GID4: variants seen among roughly 807,000 people sequenced by gnomAD.
GID4 encodes the protein GID complex subunit 4 homolog, also known as glucose-induced degradation protein 4 homolog.
In GID4, 7 loss-of-function variants were observed where a neutral mutation model predicts 32.4. The ratio of observed to expected loss-of-function variants is 0.22; its 90% CI spans 0.12 to 0.41. The LOEUF is 0.41. Ranked by LOEUF, GID4 falls within the 10% of genes least tolerant of loss-of-function variation. The pLI, the probability that GID4 is intolerant of heterozygous loss-of-function variation, is 1.00. For missense variants in GID4, 309 were observed against 400.0 expected (o/e 0.77, Z 1.94); for synonymous variants, 166 against 170.0 (o/e 0.98, Z 0.18).
rs918821533 is a variant in GID4 at position 18,068,011 on chromosome 17, G to A, written c.*2768G>A. 2.0e-5 allele frequency: 3 copies of A among 152,510 alleles called. No homozygotes were observed. The highest frequency in any genetic ancestry group is 7.2e-5 in the African/African-American group (3 of 41,400). 9.4% of individuals were successfully genotyped at this position (152,510 alleles called of 1,614,324 possible). A position where few individuals can be genotyped will look rare whatever the true frequency, so the allele number is the denominator to read the frequency against. On this transcript the variant is annotated 3_prime_UTR_variant, in exon 6 of 6. Coordinates refer to ENST00000268719, the MANE Select transcript of GID4 (RefSeq NM_024052.5). ...AGTCAATCTGTGTGCTGGTTTTGTT[G>A]GTTATGTGGAAATCACAAACTCCAG...
intron 3 of GID4, 34 bp from the exon 4 acceptor site, chr17:18,058,834 C>T: frequency 7.6e-7 from 1 of 1,317,636 alleles, no homozygotes; most frequent in Non-Finnish European, 1.1e-6. Context: ...CTCCTTCTCT[C>T]AGTCAATCGG....
In GID4 at chr17:18,039,543, T is replaced by G. The variant is rs2044761415; in HGVS notation, c.79T>G (p.Trp27Gly). The change falls in exon 1 of 6, where the codon TGG (tryptophan) becomes GGG (glycine). Residue 27 changes from tryptophan to glycine, a missense_variant. Transcript: ENST00000268719. This position sits in a 1 kb window ranked among gnomAD's most constrained non-coding sequence, Gnocchi z 5.3. ...RPCSQVPGSR[W>G]RPERLLRRQR... The stretch of plus-strand genomic sequence containing the variant: ...CTGCTCGCAGGTCCCTGGGTCCCGG[T>G]GGCGGCCGGAGCGCTTGCTCCGCAG... The G allele has an allele frequency of 1.5e-6, 2 of 1,307,710 alleles. No homozygotes were observed. The highest frequency in any genetic ancestry group is 3.1e-5 in the African/African-American group (2 of 64,636). The allele number at this position is 1,307,710 out of a possible 1,614,324, so 81.0% of individuals were successfully genotyped here.
chr17:18,058,065 C>A (rs1471451402), intron 3 of GID4, among the ~76,000 whole-genome samples: 2 of 152,178 alleles, frequency 1.3e-5, no homozygotes, highest in Non-Finnish European at 2.9e-5. Flanking sequence ...GATCTCCTGA[C>A]CTTGTGATCT....
Position 18,065,413 on chromosome 17 carries a change from C to T in GID4, c.*170C>T. 2 of 633,206 alleles carry T rather than the reference C, an allele frequency of 3.2e-6. No homozygotes were observed. Among genetic ancestry groups the T allele is most frequent in the Non-Finnish European group, 5.7e-6 (2 of 352,756 alleles). The allele number at this position is 633,206 out of a possible 1,614,324, so 39.2% of individuals were successfully genotyped here. On this transcript the variant is annotated 3_prime_UTR_variant, in exon 6 of 6. Transcript: ENST00000268719. ...CACAGAATCCAAGGAGCATGGCTGG[C>T]CCGTGGGGCAGGTGGAGGGAGCAGT...
chr17:18,050,716 G>A (rs934676419), intron 2 of GID4, among the ~76,000 whole-genome samples: 2 of 152,244 alleles, frequency 1.3e-5, no homozygotes, highest in Admixed American at 6.5e-5. Context: ...GGTCTACATG[G>A]AAAGTCGTGG....
At chr17:18,042,731 G>A (rs72838956) in intron 1 of GID4, among the ~76,000 whole-genome samples, 1 of 152,126 alleles carries the variant, frequency 6.6e-6, no homozygotes, top group East Asian at 1.9e-4. Flanking sequence ...TGAGAAACTG[G>A]CCCTGCATTG....
Position 18,039,779 on chromosome 17 carries a change from C to T in GID4, c.315C>T (p.Ile105=), listed in dbSNP as rs777389039. The stretch of plus-strand genomic sequence containing the variant: ...CCGCTGCCTCCGCGGCCTCACTCAT[C>T]CCGCCGCCGCCCATCAACACCCAGC... ...GASAASAASL[I]PPPPINTQQP... The change falls in exon 1 of 6, where the codon ATC becomes ATT. Residue 105 remains isoleucine (I), a synonymous_variant. Transcript: ENST00000268719. This position sits in a 1 kb window ranked among gnomAD's most constrained non-coding sequence, Gnocchi z 5.3. The T allele has an allele frequency of 1.3e-6, 2 of 1,574,620 alleles. No homozygotes were observed. Among genetic ancestry groups the T allele is most frequent in the South Asian group, 2.3e-5 (2 of 86,948 alleles).
chr17:18,047,691 C>CTGG lies in GID4; in HGVS notation c.498+2487_498+2489dup, dbSNP rs1405984312. ...ATACCCTCCCCAGAGTTGCCTGTTC[C>CTGG]TGGTCCAGCAATAAATAGACCACGT... On this transcript the variant is annotated intron_variant, in intron 2 of 5. Coordinates refer to ENST00000268719, the MANE Select transcript of GID4 (RefSeq NM_024052.5). Among the ~76,000 whole-genome samples the CTGG allele has an allele frequency of 2.6e-5, 4 of 152,312 alleles. No homozygotes were observed. The East Asian group carries it at 7.7e-4, about 29-fold the overall frequency.
intron 2 of GID4, among the ~76,000 whole-genome samples, chr17:18,051,415 A>G (rs1387191501): frequency 6.6e-6 from 1 of 152,238 alleles, no homozygotes; most frequent in East Asian, 1.9e-4. Flanking sequence ...TAGTTGGCTG[A>G]TGCCTGTAAT....
intron 5 of GID4, among the ~76,000 whole-genome samples, chr17:18,064,853 C>T (rs534152031): frequency 2.6e-5 from 4 of 152,158 alleles, no homozygotes; most frequent in South Asian, 2.1e-4. Flanking sequence ...TCAGAGCAGC[C>T]GGTGAGGTTA....
chr17:18,045,732 T>TA (rs1054014524), intron 2 of GID4, among the ~76,000 whole-genome samples: 131 of 139,966 alleles, frequency 9.4e-4, no homozygotes, highest in South Asian at 2.3e-3. Context: ...CTACTAAACA[T>TA]AAAAAAAAAA....
intron 2 of GID4, among the ~76,000 whole-genome samples, chr17:18,045,800 A>G (rs2044847350): frequency 6.6e-6 from 1 of 151,646 alleles, no homozygotes; most frequent in Admixed American, 6.6e-5. Flanking sequence ...AGTCTGAGGC[A>G]CAGAGAATCA....
chr17:18,064,247 T>A (rs2045041005), intron 5 of GID4, among the ~76,000 whole-genome samples: 1 of 152,138 alleles, frequency 6.6e-6, no homozygotes, highest in South Asian at 2.1e-4. Context: ...GCCAAACTGT[T>A]TCCCACAGCA....
intron 5 of GID4, chr17:18,062,257 C>T (rs2045023749): frequency 3.2e-6 from 1 of 307,866 alleles, no homozygotes; most frequent in South Asian, 5.9e-5. Flanking sequence ...TTATCTCAAT[C>T]TTGCTGGTTT....
In GID4 at chr17:18,061,441, G is replaced by C. The variant is rs1567589305; in HGVS notation, c.709-404G>C. Among the ~76,000 whole-genome samples, 1 of 152,196 alleles carries C rather than the reference G, an allele frequency of 6.6e-6. No individual in the cohort carries two copies. Among genetic ancestry groups the C allele is most frequent in the African/African-American group, 2.4e-5 (1 of 41,446 alleles). ...GACTCACTGTTCTAGATGTTATCAA[G>C]CATCTGTTGACAGTTCTGAGAACTG... On this transcript the variant is annotated intron_variant, in intron 4 of 5. Transcript: ENST00000268719. This position sits in a 1 kb window ranked among gnomAD's most constrained non-coding sequence, Gnocchi z 4.4.
At chr17:18,045,929 A>G (rs975418558) in intron 2 of GID4, among the ~76,000 whole-genome samples, 12 of 151,896 alleles carry the variant, frequency 7.9e-5, no homozygotes, top group African/African-American at 2.7e-4. Context: ...AGGGGAAGTG[A>G]CCATCTAGTT....
At chr17:18,057,164 G>A in intron 3 of GID4, 2 of 1,150,114 alleles carry the variant, frequency 1.7e-6, no homozygotes, top group Non-Finnish European at 2.4e-6. Flanking sequence ...AGGTGTGGTG[G>A]CTCATGCCTG....
chr17:18,054,062 C>A, intron 2 of GID4, 65 bp from the exon 3 acceptor site: 1 of 860,424 alleles, frequency 1.2e-6, no homozygotes, highest in Non-Finnish European at 1.9e-6. Flanking sequence ...GTTTATTTTT[C>A]CTTTGTACAA....
At chr17:18,047,755 C>T (rs2044868708) in intron 2 of GID4, among the ~76,000 whole-genome samples, 1 of 152,208 alleles carries the variant, frequency 6.6e-6, no homozygotes, top group African/African-American at 2.4e-5. Context: ...GCAAGTCCTG[C>T]TCAGGCCTTA....
Sources: allele counts gnomAD v4.1 joint callset (sites outside exome capture counted in the v4.1 genomes callset), GRCh38; gene constraint gnomAD v4.1.1; non-coding constraint Gnocchi (gnomAD v3.1); transcripts MANE v1.5; gene names NCBI Gene and HGNC (gene_info 2026-07-23, HGNC 2026-07-21).